PTPN5: variants seen among roughly 807,000 people sequenced by gnomAD.
The protein encoded by PTPN5 is protein tyrosine phosphatase non-receptor type 5.
PTPN5 carries 29 observed loss-of-function variants against 73.9 expected under a neutral mutation model. The observed-to-expected ratio is 0.39, with a 90% CI of 0.29 to 0.54. The LOEUF (loss-of-function observed/expected upper bound fraction) is 0.54, where lower values mean the gene tolerates loss of function less well. Ranked by LOEUF, PTPN5 falls within the 20% of genes least tolerant of loss-of-function variation. The pLI, the probability that PTPN5 is intolerant of heterozygous loss-of-function variation, is 0.65. For synonymous variants in PTPN5, 267 were observed against 304.7 expected, an observed-to-expected ratio of 0.88 and a Z score of 1.29; for missense variants, 652 against 751.4, an observed-to-expected ratio of 0.87 and a Z score of 1.55.
chr11:18,732,639 T>C lies in PTPN5; in HGVS notation c.1282A>G (p.Lys428Glu). The C allele has an allele frequency of 6.2e-7, 1 of 1,614,056 alleles. No individual in the cohort carries two copies. Among genetic ancestry groups the C allele is most frequent in the South Asian group, 1.1e-5 (1 of 91,072 alleles). The change falls in exon 12 of 15, where the codon AAA becomes GAA. Residue 428 changes from lysine (K) to glutamate (E), a missense_variant. Transcript: ENST00000358540. ...AYDGVEITVQKVIHTEDYRLR... is the reference protein window; with the variant it reads ...AYDGVEITVQEVIHTEDYRLR... ...CGGTAATCCTCCGTGTGAATGACTTTCTGCACAGTGATCTCAACACCGTCG... is the reference window on the plus strand; with the variant it reads ...CGGTAATCCTCCGTGTGAATGACTTCCTGCACAGTGATCTCAACACCGTCG...
intron 3 of PTPN5, among the ~76,000 whole-genome samples, chr11:18,745,343 CT>C (rs753011190): frequency 5.3e-5 from 8 of 152,304 alleles, no homozygotes; most frequent in South Asian, 2.1e-4. Flanking sequence ...CAAACATTTA[CT>C]GAGCACCTCC....
chr11:18,740,694 C>A lies in PTPN5; in HGVS notation c.824G>T (p.Arg275Leu). 1.2e-6 allele frequency: 2 copies of A among 1,609,204 alleles called. No individual in the cohort carries two copies. Among genetic ancestry groups the A allele is most frequent in the Non-Finnish European group, 1.7e-6 (2 of 1,177,292 alleles). The change falls in exon 8 of 15, where the codon CGC (arginine) becomes CTC (leucine). Residue 275 changes from arginine to leucine, a missense_variant. By Grantham distance (102) the Arg-to-Leu change is moderately radical. Around this residue, in one of 3 missense-constraint regions of PTPN5, gnomAD observed 529 missense variants for 573.9 expected, o/e 0.92. Transcript: ENST00000358540. Reference sequence around the variant, plus strand: ...ACGGGAGGCGCTGAGCAGGTACTCGCGGGCGGACTCCTCACGTGGGGACAT... The same window carrying A: ...ACGGGAGGCGCTGAGCAGGTACTCGAGGGCGGACTCCTCACGTGGGGACAT... The part of the protein sequence containing the change: ...YLMSPREESA[R>L]EYLLSASRVL...
chr11:18,729,423 G>T lies in PTPN5; in HGVS notation c.1604+30C>A. On this transcript the variant is annotated intron_variant, in intron 14 of 14. Coordinates refer to ENST00000358540, the MANE Select transcript of PTPN5 (RefSeq NM_006906.2). This position sits in a 1 kb window ranked among gnomAD's most constrained non-coding sequence, Gnocchi z 5.2. ...ACCCGCTCGGGGCTCTAGCTCCCTTGTGTGTCCCCACTCCCGCCCGTGGGC... is the reference window on the plus strand; with the variant it reads ...ACCCGCTCGGGGCTCTAGCTCCCTTTTGTGTCCCCACTCCCGCCCGTGGGC... 1.9e-6 allele frequency: 2 copies of T among 1,076,028 alleles called. No homozygotes were observed. The highest frequency in any genetic ancestry group is 2.9e-6 in the Non-Finnish European group (2 of 696,470). 66.7% of individuals were successfully genotyped at this position (1,076,028 alleles called of 1,614,324 possible).
At chr11:18,732,777 G>A (rs775412736) in intron 11 of PTPN5, 75 bp from the exon 12 acceptor site, 6 of 1,260,674 alleles carry the variant, frequency 4.8e-6, no homozygotes, top group Non-Finnish European at 6.9e-6. Flanking sequence ...TTCAGGGCCA[G>A]CGGAGAGATA....
chr11:18,782,789 G>A (rs1453595580), intron 1 of PTPN5, among the ~76,000 whole-genome samples: 1 of 152,178 alleles, frequency 6.6e-6, no homozygotes, highest in Admixed American at 6.5e-5. Context: ...GAACATGTGT[G>A]AGCATTTTTG....
At chr11:18,773,475 G>A (rs1851006993) in intron 1 of PTPN5, among the ~76,000 whole-genome samples, 1 of 152,068 alleles carries the variant, frequency 6.6e-6, no homozygotes, top group South Asian at 2.1e-4. Flanking sequence ...CCCACACGGC[G>A]TCCTCCCGAC....
chr11:18,786,503 A>G (rs1851679027), intron 1 of PTPN5, among the ~76,000 whole-genome samples: 2 of 152,370 alleles, frequency 1.3e-5, no homozygotes, highest in South Asian at 2.1e-4. Flanking sequence ...CACCCGGCCT[A>G]GAATAGGGGG....
At chr11:18,776,928 G>A (rs1299133790) in intron 1 of PTPN5, among the ~76,000 whole-genome samples, 2 of 152,104 alleles carry the variant, frequency 1.3e-5, no homozygotes, top group African/African-American at 4.8e-5. Flanking sequence ...TTGGGAGGCC[G>A]AGGTGGGCAG....
rs748313371 is a variant in PTPN5, at chr11:18,742,229, C to G, written c.725+33G>C. ...GATCAGGAGCTAAGAGCTCAAGGGC[C>G]CGTGGAGCCCACCCCTCCTCCACCC... is the stretch of plus-strand genomic sequence containing the variant. On this transcript the variant is annotated intron_variant, in intron 7 of 14. Coordinates refer to ENST00000358540, the MANE Select transcript of PTPN5 (RefSeq NM_006906.2). The surrounding 1 kb of genome is among the most constrained non-coding windows in gnomAD (Gnocchi z 4.1). 1 of 1,612,282 alleles carries G rather than the reference C, an allele frequency of 6.2e-7. No homozygotes were observed. Among genetic ancestry groups the G allele is most frequent in the Non-Finnish European group, 8.5e-7 (1 of 1,178,776 alleles).
At chr11:18,778,924 T>G (rs893124627) in intron 1 of PTPN5, among the ~76,000 whole-genome samples, 1 of 152,230 alleles carries the variant, frequency 6.6e-6, no homozygotes, top group Non-Finnish European at 1.5e-5. Context: ...GTTTCATCCC[T>G]AGACTTCCCT....
chr11:18,748,814 T>A (rs967672261), intron 3 of PTPN5, among the ~76,000 whole-genome samples: 1 of 152,186 alleles, frequency 6.6e-6, no homozygotes, highest in Non-Finnish European at 1.5e-5. Context: ...TTCAATGTCA[T>A]GCAATTCAGA....
In PTPN5 at chr11:18,740,710, G is replaced by T. The variant is rs367543228; in HGVS notation, c.808C>A (p.Arg270Ser). 2 of 1,607,486 alleles carry T rather than the reference G, an allele frequency of 1.2e-6. No individual in the cohort carries two copies. Among genetic ancestry groups the T allele is most frequent in the African/African-American group, 1.3e-5 (1 of 74,622 alleles). ...AGGTACTCGCGGGCGGACTCCTCAC[G>T]TGGGGACATGAGATAGCCAAAGCCC... ...EEGFGYLMSP[R>S]EESAREYLLS... The change falls in exon 8 of 15, where the codon CGT becomes AGT. Residue 270 changes from arginine (R) to serine (S), a missense_variant. By Grantham distance (110) the Arg-to-Ser change is moderately radical. Around this residue, in one of 3 missense-constraint regions of PTPN5, gnomAD observed 529 missense variants for 573.9 expected, o/e 0.92. Transcript: ENST00000358540.
intron 1 of PTPN5, among the ~76,000 whole-genome samples, chr11:18,778,200 T>G (rs1590612411): frequency 6.6e-6 from 1 of 152,156 alleles, no homozygotes; most frequent in Admixed American, 6.5e-5. Flanking sequence ...AGGACCTAAC[T>G]CAAAATACTG....
chr11:18,732,736 C>T, intron 11 of PTPN5, 34 bp from the exon 12 acceptor site: 1 of 1,560,230 alleles, frequency 6.4e-7, no homozygotes, highest in East Asian at 2.2e-5. Flanking sequence ...CCATACAATC[C>T]TGTTCCCTTC....
At chr11:18,775,018 C>T (rs967061845) in intron 1 of PTPN5, among the ~76,000 whole-genome samples, 1 of 152,208 alleles carries the variant, frequency 6.6e-6, no homozygotes, top group Non-Finnish European at 1.5e-5. Flanking sequence ...CTACTGCACC[C>T]GGACCACACA....
chr11:18,736,692 G>A (rs535852081), intron 9 of PTPN5, among the ~76,000 whole-genome samples: 1 of 152,302 alleles, frequency 6.6e-6, no homozygotes, highest in South Asian at 2.1e-4. Flanking sequence ...TATTGGGCTC[G>A]GGGGCCTGGA....
intron 3 of PTPN5, among the ~76,000 whole-genome samples, chr11:18,746,950 G>A (rs1002990225): frequency 1.3e-5 from 2 of 152,158 alleles, no homozygotes; most frequent in African/African-American, 4.8e-5. Flanking sequence ...CAGACCCAGG[G>A]GTTACCTGGC....
chr11:18,779,051 G>A (rs774612738), intron 1 of PTPN5, among the ~76,000 whole-genome samples: 8 of 152,174 alleles, frequency 5.3e-5, no homozygotes, highest in Non-Finnish European at 8.8e-5. Context: ...TTCTCATGGG[G>A]CTGGGATGTA....
At chr11:18,746,192 T>TATATATACAC (rs550537453) in intron 3 of PTPN5, among the ~76,000 whole-genome samples, 3 of 102,826 alleles carry the variant, frequency 2.9e-5, no homozygotes, top group East Asian at 5.3e-4. Flanking sequence ...TATATATATA[T>TATATATACAC]ACATTTTTTT....
Sources: allele counts gnomAD v4.1 joint callset (sites outside exome capture counted in the v4.1 genomes callset), GRCh38; gene constraint gnomAD v4.1.1; regional missense constraint gnomAD v4.1.1; non-coding constraint Gnocchi (gnomAD v3.1); transcripts MANE v1.5; gene names NCBI Gene and HGNC (gene_info 2026-07-23, HGNC 2026-07-21).